SGPP2: variants seen among roughly 807,000 people sequenced by gnomAD.
The protein encoded by SGPP2 is sphingosine-1-phosphate phosphatase 2.
Under a neutral mutation model 33.9 loss-of-function variants are expected in SGPP2, and 30 were observed. The observed-to-expected ratio is 0.89, with a 90% CI of 0.66 to 1.20. SGPP2 has a LOEUF of 1.20. Among genes scored for constraint, SGPP2 ranks in the 50% most tolerant of loss-of-function variants. The pLI is 0.00. For missense variants in SGPP2, 458 were observed against 532.1 expected (o/e 0.86, Z 1.37); for synonymous variants, 233 against 225.0 (o/e 1.04, Z -0.32).
intron 4 of SGPP2, among the ~76,000 whole-genome samples, chr2:222,552,419 G>A (rs919931892): frequency 6.6e-6 from 1 of 152,100 alleles, no homozygotes; most frequent in Non-Finnish European, 1.5e-5. Flanking sequence ...TGAGTAAGGT[G>A]GTATTGCATT....
intron 2 of SGPP2, among the ~76,000 whole-genome samples, chr2:222,501,865 G>A (rs1698372764): frequency 6.6e-6 from 1 of 152,186 alleles, no homozygotes; most frequent in Admixed American, 6.5e-5. Context: ...TTTGTTAAGG[G>A]TTGGGGTTTT....
intron 2 of SGPP2, among the ~76,000 whole-genome samples, chr2:222,488,443 A>G (rs1385597119): frequency 6.6e-6 from 1 of 152,198 alleles, no homozygotes; most frequent in Non-Finnish European, 1.5e-5. Context: ...ACTCCTTATG[A>G]GACTCTAGCT....
At chr2:222,512,347 C>T (rs1203193680) in intron 2 of SGPP2, among the ~76,000 whole-genome samples, 1 of 152,044 alleles carries the variant, frequency 6.6e-6, no homozygotes, top group Non-Finnish European at 1.5e-5. Flanking sequence ...TTTAGGTTCA[C>T]AGCAAAGTTG....
intron 1 of SGPP2, among the ~76,000 whole-genome samples, chr2:222,443,221 A>AT (rs1697352397): frequency 6.6e-6 from 1 of 152,082 alleles, no homozygotes; most frequent in South Asian, 2.1e-4. Context: ...TATTTTACTA[A>AT]TTTTTTAAAA....
At chr2:222,553,307 A>C (rs1182751903) in intron 4 of SGPP2, among the ~76,000 whole-genome samples, 3 of 152,254 alleles carry the variant, frequency 2.0e-5, no homozygotes, top group Admixed American at 2.0e-4. Flanking sequence ...TGCTGTACAT[A>C]AAACAAATGC....
chr2:222,453,128 G>A, intron 1 of SGPP2: 1 of 819,564 alleles, frequency 1.2e-6, no homozygotes, highest in East Asian at 2.4e-5. Context: ...TCAGATCCAT[G>A]GAGGAAGGAA....
chr2:222,457,321 G>A (rs916165489), intron 1 of SGPP2, among the ~76,000 whole-genome samples: 2 of 151,962 alleles, frequency 1.3e-5, no homozygotes, highest in Non-Finnish European at 2.9e-5. Flanking sequence ...TATTATGTAC[G>A]ATGTTATGAA....
chr2:222,558,887 G>C lies in SGPP2; in HGVS notation c.1189G>C (p.Gly397Arg). ...TFVPMLHRFL[G>R]LP Reference sequence around the variant, plus strand: ...TGTGCCGATGCTTCACAGGTTTCTGGGATTACCCTGAGTCTCAAACAGTTG... The same window carrying C: ...TGTGCCGATGCTTCACAGGTTTCTGCGATTACCCTGAGTCTCAAACAGTTG... The change falls in exon 5 of 5, where the codon GGA becomes CGA. Residue 397 changes from glycine (G) to arginine (R), a missense_variant. Physicochemically the swap from Gly to Arg is moderately radical, Grantham distance 125. Coordinates refer to ENST00000321276, the MANE Select transcript of SGPP2 (RefSeq NM_152386.4). 6.2e-7 allele frequency: 1 copy of C among 1,604,790 alleles called. No individual in the cohort carries two copies. Among genetic ancestry groups the C allele is most frequent in the Non-Finnish European group, 8.5e-7 (1 of 1,172,140 alleles).
At chr2:222,451,215 A>G (rs1461960341) in intron 1 of SGPP2, among the ~76,000 whole-genome samples, 1 of 152,102 alleles carries the variant, frequency 6.6e-6, no homozygotes, top group Non-Finnish European at 1.5e-5. Flanking sequence ...TTCCAGAAAC[A>G]ATTTTCAAAG....
At chr2:222,468,997 T>G (rs1278281767) in intron 1 of SGPP2, among the ~76,000 whole-genome samples, 1 of 152,162 alleles carries the variant, frequency 6.6e-6, no homozygotes, top group Non-Finnish European at 1.5e-5. Context: ...TAGGAAAACC[T>G]TTTTTAAAAA....
Position 222,558,806 on chromosome 2 carries a change from G to A in SGPP2, c.1108G>A (p.Glu370Lys). The A allele has an allele frequency of 6.2e-7, 1 of 1,614,146 alleles. No individual in the cohort carries two copies. Among genetic ancestry groups the A allele is most frequent in the Non-Finnish European group, 8.5e-7 (1 of 1,180,024 alleles). Reference protein sequence around the residue: ...NKEARRRLEIEVPYKFVTYTS... With the variant: ...NKEARRRLEIKVPYKFVTYTS... ...GGAGGCCAGGCGGAGACTGGAGATT[G>A]AAGTGCCTTACAAGTTTGTTACCTA... The change falls in exon 5 of 5, where the codon GAA (glutamate) becomes AAA (lysine). Residue 370 changes from glutamate to lysine, a missense_variant. Glu to Lys is a moderately conservative substitution (Grantham distance 56, BLOSUM62 1). Transcript: ENST00000321276.
intron 1 of SGPP2, among the ~76,000 whole-genome samples, chr2:222,440,116 T>G (rs1697302348): frequency 6.6e-6 from 1 of 152,212 alleles, no homozygotes; most frequent in South Asian, 2.1e-4. Context: ...TATTTGTACT[T>G]TCTGCACAAG....
intron 1 of SGPP2, among the ~76,000 whole-genome samples, chr2:222,471,726 A>G (rs950046602): frequency 6.6e-6 from 1 of 152,262 alleles, no homozygotes; most frequent in South Asian, 2.1e-4. Flanking sequence ...AAAAATCCAG[A>G]TCTCTAAGAG....
At chr2:222,525,180 T>C (rs1441880632) in intron 4 of SGPP2, 147 bp downstream of exon 4, 2 of 618,620 alleles carry the variant, frequency 3.2e-6, no homozygotes, top group African/African-American at 3.7e-5. Flanking sequence ...GTAATTATTA[T>C]GTTCGGGTGC....
upstream of SGPP2, chr2:222,424,490 C>G: frequency 1.4e-6 from 1 of 723,696 alleles, no homozygotes; most frequent in Non-Finnish European, 1.8e-6. Context: ...GCCCCGCCCG[C>G]CCGGCCTCCG....
chr2:222,440,929 C>T (rs1697316494), intron 1 of SGPP2, among the ~76,000 whole-genome samples: 1 of 152,172 alleles, frequency 6.6e-6, no homozygotes, highest in Admixed American at 6.5e-5. Flanking sequence ...TCTACTTTTT[C>T]ACACATTTCA....
At position 222,548,656 on chromosome 2, in the gene SGPP2, C is replaced by T. The variant is rs115570523; in HGVS notation, c.649-9691C>T. Among the ~76,000 whole-genome samples, 1,417 of 152,166 alleles carry T rather than the reference C, an allele frequency of 9.3e-3. 17 individuals are homozygous for T. The highest frequency in any genetic ancestry group is 0.027 in the African/African-American group (1,119 of 41,422). ...CATACCATGTGACAGGTAAATCAGC[C>T]TCCTGCTTTTGACTGATCCCTATGG... On this transcript the variant is annotated intron_variant, in intron 4 of 4. Coordinates refer to ENST00000321276, the MANE Select transcript of SGPP2 (RefSeq NM_152386.4).
chr2:222,467,852 T>C (rs2106089904), intron 1 of SGPP2, among the ~76,000 whole-genome samples: 1 of 149,418 alleles, frequency 6.7e-6, no homozygotes, highest in African/African-American at 2.5e-5. Context: ...AGTTGCAGAT[T>C]ACCATCCCCC....
chr2:222,472,903 A>G (rs1046765606), intron 1 of SGPP2, among the ~76,000 whole-genome samples: 7 of 152,196 alleles, frequency 4.6e-5, no homozygotes, highest in African/African-American at 1.7e-4. Context: ...AGTCTCAGTT[A>G]CTTGGGAGGC....
Sources: gnomAD v4.1 joint callset for allele counts (sites outside exome capture counted in the v4.1 genomes callset) on GRCh38, gnomAD v4.1.1 for gene constraint, MANE v1.5 for transcripts, NCBI Gene and HGNC (gene_info 2026-07-23, HGNC 2026-07-21) for gene names.